Variants in SGCZ observed in about 807,000 individuals in gnomAD.
SGCZ encodes sarcoglycan zeta, also known as zeta-sarcoglycan.
A neutral mutation model predicts 41.3 loss-of-function variants in SGCZ; 40 were observed. That is an observed-to-expected ratio of 0.97 (90% CI 0.75 to 1.26). The LOEUF is 1.26. SGCZ is among the 50% of genes most tolerant of loss of function. The pLI, the probability that SGCZ is intolerant of heterozygous loss-of-function variation, is 0.00. For missense variants in SGCZ, 552 were observed against 369.8 expected (o/e 1.49, Z -4.04); for synonymous variants, 206 against 137.5 (o/e 1.50, Z -3.49).
intron 1 of SGCZ, among the ~76,000 whole-genome samples, chr8:14,566,154 T>C (rs547039457): frequency 8.5e-5 from 13 of 152,306 alleles, no homozygotes; most frequent in African/African-American, 3.1e-4. Flanking sequence ...CTAAAATAAG[T>C]GTTTAATCAG....
At chr8:14,707,610 A>G (rs1451907843) in intron 1 of SGCZ, among the ~76,000 whole-genome samples, 3 of 152,158 alleles carry the variant, frequency 2.0e-5, no homozygotes, top group Non-Finnish European at 4.4e-5. Context: ...GAATGAGTAC[A>G]ACAAAGATTG....
At chr8:14,590,022 AGTAGGTTTTCCTTCT>A (rs1805190228) in intron 1 of SGCZ, among the ~76,000 whole-genome samples, 1 of 152,152 alleles carries the variant, frequency 6.6e-6, no homozygotes, top group Non-Finnish European at 1.5e-5. Context: ...CTGGCTGAAT[AGTAGGTTTTCCTTCT>A]TTCTTTGCTA....
In SGCZ at chr8:14,394,841, G is replaced by A. The variant is rs139279362; in HGVS notation, c.235-70637C>T. ...GTGTCTAAGTTGCCTGTTGGAAAAT[G>A]TTGGAACCATTCATGCTTCCAAGCA... On this transcript the variant is annotated intron_variant, in intron 2 of 7. Coordinates refer to ENST00000382080, the MANE Select transcript of SGCZ (RefSeq NM_139167.4). 1.3e-3 allele frequency among the ~76,000 whole-genome samples: 199 copies of A among 152,268 alleles called. 1 individual carries two copies. The highest frequency in any genetic ancestry group is 4.7e-3 in the African/African-American group (194 of 41,562).
chr8:14,764,238 T>C (rs1032322829), intron 1 of SGCZ, among the ~76,000 whole-genome samples: 8 of 152,220 alleles, frequency 5.3e-5, no homozygotes, highest in African/African-American at 1.9e-4. Flanking sequence ...ATGTTAGAAC[T>C]TTTAAAATCA....
At chr8:15,073,291 T>C (rs1419689659) in intron 1 of SGCZ, among the ~76,000 whole-genome samples, 2 of 152,198 alleles carry the variant, frequency 1.3e-5, no homozygotes, top group African/African-American at 2.4e-5. Context: ...AAATATTGCT[T>C]GGCTAAAATT....
Position 14,805,840 on chromosome 8 carries a change from C to T in SGCZ, c.40-250914G>A, listed in dbSNP as rs1461550601. On this transcript the variant is annotated intron_variant, in intron 1 of 7. Transcript: ENST00000382080. ...ACCACATAGTTGGAAGTAAACCTCT[C>T]CTCAGCAAATGTAAAAGAACAGAAA... Among the ~76,000 whole-genome samples, 3 of 151,594 alleles carry T rather than the reference C, an allele frequency of 2.0e-5. No individual in the cohort carries two copies. In the East Asian group the frequency reaches 5.9e-4, roughly 30 times the overall value.
intron 3 of SGCZ, among the ~76,000 whole-genome samples, chr8:14,282,623 GGAGACCA>G: frequency 6.6e-6 from 1 of 152,174 alleles, no homozygotes; most frequent in South Asian, 2.1e-4. Context: ...ACATGAGAAA[GGAGACCA>G]CTTTCAGAAT....
At chr8:14,163,740 A>G (rs1804120553) in intron 5 of SGCZ, among the ~76,000 whole-genome samples, 1 of 152,198 alleles carries the variant, frequency 6.6e-6, no homozygotes, top group Admixed American at 6.5e-5. Flanking sequence ...TTCAATTGCC[A>G]TGCTAACTGC....
intron 1 of SGCZ, among the ~76,000 whole-genome samples, chr8:14,842,575 G>C (rs1289881038): frequency 5.9e-5 from 9 of 152,074 alleles, no homozygotes; most frequent in Non-Finnish European, 1.5e-5. Context: ...ACAGAACATA[G>C]GGCAGAGTTA....
intron 4 of SGCZ, among the ~76,000 whole-genome samples, chr8:14,212,579 C>T (rs540069515): frequency 2.0e-5 from 3 of 151,150 alleles, no homozygotes; most frequent in Non-Finnish European, 4.4e-5. Context: ...AACCAGGTGG[C>T]GTGACTGATA....
chr8:15,030,085 T>A (rs923784524), intron 1 of SGCZ, among the ~76,000 whole-genome samples: 2 of 152,092 alleles, frequency 1.3e-5, no homozygotes, highest in South Asian at 4.1e-4. Context: ...GAGATGGACA[T>A]GAAAAATAAT....
At chr8:15,063,199 T>C (rs949387481) in intron 1 of SGCZ, among the ~76,000 whole-genome samples, 3 of 152,134 alleles carry the variant, frequency 2.0e-5, no homozygotes, top group Non-Finnish European at 4.4e-5. Context: ...AACTTTCTAA[T>C]TGAAAAACAG....
At chr8:14,723,417 A>G (rs1485283062) in intron 1 of SGCZ, among the ~76,000 whole-genome samples, 3 of 152,146 alleles carry the variant, frequency 2.0e-5, no homozygotes, top group Non-Finnish European at 4.4e-5. Context: ...GGACCCTCAC[A>G]TGTCCCACAG....
intron 1 of SGCZ, among the ~76,000 whole-genome samples, chr8:14,741,804 T>C (rs1419811693): frequency 6.6e-6 from 1 of 152,032 alleles, no homozygotes; most frequent in Non-Finnish European, 1.5e-5. Context: ...GAAATATAGA[T>C]AGACAATTAT....
intron 2 of SGCZ, among the ~76,000 whole-genome samples, chr8:14,551,236 T>C (rs1803799667): frequency 6.8e-6 from 1 of 147,574 alleles, no homozygotes; most frequent in Non-Finnish European, 1.5e-5. Flanking sequence ...AATTATCAAA[T>C]ATAGAAAGAA....
chr8:15,114,707 G>C (rs1303797523), intron 1 of SGCZ, among the ~76,000 whole-genome samples: 2 of 151,530 alleles, frequency 1.3e-5, no homozygotes, highest in Non-Finnish European at 2.9e-5. Context: ...ACACAGGGTA[G>C]CGCTCCTGAC....
chr8:14,780,357 A>C (rs768880445), intron 1 of SGCZ, among the ~76,000 whole-genome samples: 28 of 149,148 alleles, frequency 1.9e-4, no homozygotes, highest in South Asian at 4.3e-4. Context: ...CCTGGGCCAC[A>C]GAGTGAGACT....
chr8:15,040,835 C>T (rs1274522520), intron 1 of SGCZ, among the ~76,000 whole-genome samples: 3 of 152,032 alleles, frequency 2.0e-5, no homozygotes, highest in Non-Finnish European at 1.5e-5. Flanking sequence ...TGTTTCCATA[C>T]CTATCAAAGT....
At chr8:14,551,490 T>TATATATATTATATATTATATATATA (rs1803824768) in intron 2 of SGCZ, among the ~76,000 whole-genome samples, 1 of 2,670 alleles carries the variant, frequency 3.7e-4, no homozygotes, top group African/African-American at 1.5e-3. Flanking sequence ...TTATATATAT[T>TATATATATTATATATTATATATATA]ATATATATTA....
Sources: gnomAD v4.1 joint callset for allele counts (sites outside exome capture counted in the v4.1 genomes callset) on GRCh38, gnomAD v4.1.1 for gene constraint, MANE v1.5 for transcripts, NCBI Gene and HGNC (gene_info 2026-07-23, HGNC 2026-07-21) for gene names.